TTLL10: variants seen among roughly 807,000 people sequenced by gnomAD.
The protein encoded by TTLL10 is tubulin tyrosine ligase like 10.
Under a neutral mutation model 69.0 loss-of-function variants are expected in TTLL10, and 61 were observed. The ratio of observed to expected loss-of-function variants is 0.88; its 90% CI spans 0.72 to 1.09. The LOEUF (loss-of-function observed/expected upper bound fraction) is 1.09. Ranked by LOEUF, TTLL10 falls within the 50% of genes least tolerant of loss-of-function variation. The pLI, the probability that TTLL10 is intolerant of heterozygous loss-of-function variation, is 0.00. For missense variants in TTLL10, 962 were observed against 945.9 expected (o/e 1.02, Z -0.22); for synonymous variants, 408 against 393.3 (o/e 1.04, Z -0.44).
At position 1,197,664 on chromosome 1, in the gene TTLL10, G is replaced by A. The variant is rs868121931; in HGVS notation, c.1839G>A (p.Ala613=). Reference sequence around the variant, plus strand: ...ACCAGCCGGGCGCCCGCAGGCCTGCGCCACCTCCCTTGGTGCCGCAGCGTC... The same window carrying A: ...ACCAGCCGGGCGCCCGCAGGCCTGCACCACCTCCCTTGGTGCCGCAGCGTC... ...APDQPGARRP[A]PPPLVPQRPR... is the part of the protein sequence containing the mutation. The change falls in exon 16 of 16, where the codon GCG becomes GCA. Residue 613 remains alanine, a synonymous_variant. Transcript: ENST00000379289. 1.8e-5 allele frequency: 27 copies of A among 1,500,840 alleles called. No homozygotes were observed. The highest frequency in any genetic ancestry group is 1.1e-4 in the Admixed American group (5 of 46,320). The allele number at this position is 1,500,840 out of a possible 1,614,324, so 93.0% of individuals were successfully genotyped here.
At position 1,180,519 on chromosome 1, in the gene TTLL10, C is replaced by T. The variant is rs1480465404; in HGVS notation, c.543C>T (p.Arg181=). ...SSYCKSKGWQ[R]IHDSRRDDYT... ...ACTGCAAAAGCAAGGGCTGGCAGCG[C>T]ATCCATGACAGCCGCCGGGACGACT... The change falls in exon 7 of 16, where the codon CGC becomes CGT. Residue 181 remains arginine (R), a synonymous_variant. Transcript: ENST00000379289. 13 of 1,552,914 alleles carry T rather than the reference C, an allele frequency of 8.4e-6. No homozygotes were observed. Among genetic ancestry groups the T allele is most frequent in the Non-Finnish European group, 1.1e-5 (13 of 1,148,074 alleles).
chr1:1,177,741 G>A (rs12092254), intron 3 of TTLL10, among the ~76,000 whole-genome samples: 16,737 of 152,272 alleles, frequency 0.11, 1,045 homozygotes, highest in African/African-American at 0.16. Flanking sequence ...GGTGCTGAGG[G>A]CCCATGAGAA....
chr1:1,175,134 AC>A (rs991495694), intron 3 of TTLL10: 7 of 156,848 alleles, frequency 4.5e-5, no homozygotes, highest in Admixed American at 6.0e-5. Flanking sequence ...AAAAAAAAAA[AC>A]ACCTTTAATT....
At chr1:1,190,787 T>C (rs1384580375) in intron 13 of TTLL10, among the ~76,000 whole-genome samples, 2 of 152,194 alleles carry the variant, frequency 1.3e-5, no homozygotes, top group African/African-American at 2.4e-5. Flanking sequence ...ATTTTGCGTG[T>C]TGTCTTCATT....
rs962160397 is a variant in TTLL10 at position 1,185,902 on chromosome 1, T to C, written c.1401+793T>C. 2.2e-6 allele frequency: 2 copies of C among 901,798 alleles called. No individual in the cohort carries two copies. The highest frequency in any genetic ancestry group is 5.1e-5 in the South Asian group (1 of 19,636). 55.9% of individuals were successfully genotyped at this position (901,798 alleles called of 1,614,324 possible). A position where few individuals can be genotyped will look rare whatever the true frequency, so the allele number is the denominator to read the frequency against. On this transcript the variant is annotated intron_variant, in intron 13 of 15. Transcript: ENST00000379289. This position sits in a 1 kb window ranked among gnomAD's most constrained non-coding sequence, Gnocchi z 6.1. ...GTGGCTTTTAGTATTTCAAAAGTTGTGCAATTATCACCACCAATTCCAGAA... is the reference window on the plus strand; with the variant it reads ...GTGGCTTTTAGTATTTCAAAAGTTGCGCAATTATCACCACCAATTCCAGAA...
At chr1:1,190,951 G>A (rs758725017) in intron 13 of TTLL10, among the ~76,000 whole-genome samples, 6 of 152,110 alleles carry the variant, frequency 3.9e-5, no homozygotes, top group Middle Eastern at 3.4e-3. Flanking sequence ...TCAGCCTCCC[G>A]AGTAGCTGGG....
chr1:1,184,062 A>G lies in TTLL10; in HGVS notation c.1231A>G (p.Ser411Gly), dbSNP rs770935264. 6.2e-7 allele frequency: 1 copy of G among 1,614,134 alleles called. No homozygotes were observed. The highest frequency in any genetic ancestry group is 8.5e-7 in the Non-Finnish European group (1 of 1,180,000). Residue 411 changes from serine to glycine, a missense_variant, in exon 12 of 16, where the codon AGC becomes GGC. By Grantham distance (56) the Ser-to-Gly change is moderately conservative. Transcript: ENST00000379289. ...CCTTAGCCTTTACGACCCCCATTCC[A>G]GCGACCTCGGCGGCCACTTGACCAA... is the stretch of plus-strand genomic sequence containing the variant. Reference protein sequence around the residue: ...LTLSLYDPHSSDLGGHLTNQF... With the variant: ...LTLSLYDPHSGDLGGHLTNQF...
rs763034036 is a variant in TTLL10 at position 1,196,691 on chromosome 1, A to G, written c.1493A>G (p.Asp498Gly). The change falls in exon 14 of 16, where the codon GAC becomes GGC. Residue 498 changes from aspartate (D) to glycine (G), a missense_variant. Asp to Gly is a moderately conservative substitution (Grantham distance 94, BLOSUM62 -1). Coordinates refer to ENST00000379289, the MANE Select transcript of TTLL10 (RefSeq NM_001130045.2). ...GGTTACTTTGACCTCATTGGCTGTG[A>G]CTTCCTGATTGATGACAACTTCAAG... The part of the protein sequence containing the change: ...KLGYFDLIGC[D>G]FLIDDNFKVW... The G allele has an allele frequency of 6.4e-7, 1 of 1,551,916 alleles. No individual in the cohort carries two copies. The highest frequency in any genetic ancestry group is 1.2e-5 in the South Asian group (1 of 84,060).
intron 13 of TTLL10, among the ~76,000 whole-genome samples, chr1:1,192,850 G>A (rs569019638): frequency 6.5e-4 from 98 of 151,638 alleles, no homozygotes; most frequent in African/African-American, 2.3e-3. Context: ...GTTGGTATGA[G>A]TGTAGACACT....
At chr1:1,178,576 A>G (rs1156419728) in intron 3 of TTLL10, among the ~76,000 whole-genome samples, 1 of 151,502 alleles carries the variant, frequency 6.6e-6, no homozygotes. Flanking sequence ...AAAAAAAAAA[A>G]GTTCTCACCT....
intron 4 of TTLL10, 55 bp downstream of exon 4, chr1:1,179,388 G>A (rs771467462): frequency 1.3e-6 from 2 of 1,489,672 alleles, no homozygotes; most frequent in South Asian, 2.4e-5. Context: ...AGGCCTCCCT[G>A]GGACGGGTGC....
rs1359973598 is a variant in TTLL10 at position 1,197,427 on chromosome 1, A to C, written c.1613-11A>C. ...GCCCCCCACTCACCCTCTCTCCCCC[A>C]CCCGCACCAGACCTGGTGCTCGAGA... On this transcript the variant is annotated splice_polypyrimidine_tract_variant and intron_variant, in intron 15 of 15. Transcript: ENST00000379289. 6.5e-6 allele frequency: 8 copies of C among 1,233,764 alleles called. No homozygotes were observed. The Admixed American group carries it at 9.1e-5, about 14-fold the overall frequency. 76.4% of individuals were successfully genotyped at this position (1,233,764 alleles called of 1,614,324 possible).
chr1:1,180,458 T>TGCCCCCCCCCCCC, intron 6 of TTLL10, 25 bp from the exon 7 acceptor site: 2 of 942,092 alleles, frequency 2.1e-6, no homozygotes, highest in Non-Finnish European at 3.1e-6. Context: ...GGCCCCCAGG[T>TGCCCCCCCCCCCC]CACCCCCGCC....
At chr1:1,190,950 C>T (rs1005249505) in intron 13 of TTLL10, among the ~76,000 whole-genome samples, 3 of 152,252 alleles carry the variant, frequency 2.0e-5, no homozygotes, top group Non-Finnish European at 2.9e-5. Flanking sequence ...CTCAGCCTCC[C>T]GAGTAGCTGG....
chr1:1,180,127 G>A lies in TTLL10; in HGVS notation c.293G>A (p.Gly98Glu), dbSNP rs1470817064. 2 of 1,611,364 alleles carry A rather than the reference G, an allele frequency of 1.2e-6. No individual in the cohort carries two copies. The highest frequency in any genetic ancestry group is 8.5e-7 in the Non-Finnish European group (1 of 1,179,398). The change falls in exon 6 of 16, where the codon GGG (glycine) becomes GAG (glutamate). Residue 98 changes from glycine to glutamate, a missense_variant. Gly to Glu is a moderately conservative substitution (Grantham distance 98). Coordinates refer to ENST00000379289, the MANE Select transcript of TTLL10 (RefSeq NM_001130045.2). ...GACCACGACGCAGATGGACACTGTG[G>A]GCCGGACCTGGAGGGGGCAGAAAGA... ...QPDHDADGHC[G>E]PDLEGAERAS...
chr1:1,196,838 A>C, intron 14 of TTLL10, 122 bp downstream of exon 14: 1 of 817,008 alleles, frequency 1.2e-6, no homozygotes, highest in South Asian at 1.6e-5. Context: ...CCCTGCCTGC[A>C]TGCAGCCCTG....
In TTLL10 at chr1:1,197,867, G is replaced by A. The variant is rs566195204; in HGVS notation, c.*20G>A. On this transcript the variant is annotated 3_prime_UTR_variant, in exon 16 of 16. Coordinates refer to ENST00000379289, the MANE Select transcript of TTLL10 (RefSeq NM_001130045.2). ...CCCTAGGGGCAGCCACCCGCGCCCA[G>A]CGCCCCGCGCCCCGCGCCCCAGCCG... The A allele has an allele frequency of 3.8e-4, 538 of 1,399,740 alleles. 1 individual carries two copies. Among genetic ancestry groups the A allele is most frequent in the South Asian group, 5.6e-4 (35 of 63,024 alleles). 86.7% of individuals were successfully genotyped at this position (1,399,740 alleles called of 1,614,324 possible). A position where few individuals can be genotyped will look rare whatever the true frequency, so the allele number is the denominator to read the frequency against.
At chr1:1,186,885 G>A (rs1036216039) in intron 13 of TTLL10, among the ~76,000 whole-genome samples, 3 of 148,246 alleles carry the variant, frequency 2.0e-5, no homozygotes, top group African/African-American at 5.0e-5. Flanking sequence ...TCGCTCTGTC[G>A]TCCAGGCTGG....
At chr1:1,180,397 G>C in intron 6 of TTLL10, 57 bp downstream of exon 6, 1 of 1,540,874 alleles carries the variant, frequency 6.5e-7, no homozygotes, top group East Asian at 2.5e-5. Flanking sequence ...CCTGCTCCCG[G>C]GGCCCAGCCC....
Sources: allele counts gnomAD v4.1 joint callset (sites outside exome capture counted in the v4.1 genomes callset), GRCh38; gene constraint gnomAD v4.1.1; non-coding constraint Gnocchi (gnomAD v3.1); transcripts MANE v1.5; gene names NCBI Gene and HGNC (gene_info 2026-07-23, HGNC 2026-07-21).